PALM2AKAP2: variants seen among roughly 807,000 people sequenced by gnomAD.
PALM2AKAP2 encodes PALM2-AKAP2 fusion protein.
A neutral mutation model predicts 71.5 loss-of-function variants in PALM2AKAP2; 37 were observed. That is an observed-to-expected ratio of 0.52 (90% CI 0.40 to 0.68). The LOEUF is 0.68. Ranked by LOEUF, PALM2AKAP2 falls within the 30% of genes least tolerant of loss-of-function variation. PALM2AKAP2 has a pLI of 0.00. For missense variants in PALM2AKAP2, 1,224 were observed against 1,191.8 expected (o/e 1.03, Z -0.40); for synonymous variants, 468 against 478.8 (o/e 0.98, Z 0.29).
At chr9:110,079,931 G>A (rs987347764) in intron 1 of PALM2AKAP2, among the ~76,000 whole-genome samples, 4 of 151,886 alleles carry the variant, frequency 2.6e-5, no homozygotes, top group Non-Finnish European at 5.9e-5. Flanking sequence ...TTTGCTGGGC[G>A]TGGTGGCAGG....
rs117188447 is a variant in PALM2AKAP2, at chr9:109,968,270, C to T, written c.496+36242C>T. On this transcript the variant is annotated intron_variant, in intron 6 of 9. Coordinates refer to the PALM2AKAP2 transcript ENST00000302798. ...CCTGCTTTGCAACTTGAGGCCCTCG[C>T]GTACCCCATAGGCTGTGGAAGGCCT... is the stretch of plus-strand genomic sequence containing the variant. Among the ~76,000 whole-genome samples the T allele has an allele frequency of 2.2e-3, 328 of 152,294 alleles. 1 individual carries two copies. Among genetic ancestry groups the T allele is most frequent in the Non-Finnish European group, 3.0e-3 (205 of 68,018 alleles).
intron 1 of PALM2AKAP2, among the ~76,000 whole-genome samples, chr9:110,083,778 T>C (rs1834501558): frequency 6.6e-6 from 1 of 152,210 alleles, no homozygotes; most frequent in African/African-American, 2.4e-5. Flanking sequence ...AACAAGGCCT[T>C]TGATAGCATG....
chr9:110,057,360 TTC>T (rs1368457868), intron 1 of PALM2AKAP2, among the ~76,000 whole-genome samples: 1 of 146,236 alleles, frequency 6.8e-6, no homozygotes, highest in Admixed American at 7.1e-5. Context: ...ACCCAGCTCC[TTC>T]TCTGTTTTTT....
intron 3 of PALM2AKAP2, among the ~76,000 whole-genome samples, chr9:109,921,796 A>C (rs181807675): frequency 3.9e-5 from 6 of 152,230 alleles, no homozygotes; most frequent in African/African-American, 1.4e-4. Context: ...CTGGGAGGCT[A>C]GATACCATGG....
intron 6 of PALM2AKAP2, among the ~76,000 whole-genome samples, chr9:109,981,843 TTGG>T (rs1435015730): frequency 6.6e-6 from 1 of 152,190 alleles, no homozygotes; most frequent in Non-Finnish European, 1.5e-5. Context: ...GGGAACACTC[TTGG>T]TGGGAGTGTA....
intron 1 of PALM2AKAP2, among the ~76,000 whole-genome samples, chr9:109,755,259 C>T (rs985792312): frequency 5.9e-5 from 9 of 152,110 alleles, no homozygotes; most frequent in African/African-American, 2.2e-4. Flanking sequence ...ATCCAAATTC[C>T]TTATCCTGAC....
intron 1 of PALM2AKAP2, among the ~76,000 whole-genome samples, chr9:109,796,030 C>T (rs1483065627): frequency 6.6e-6 from 1 of 152,226 alleles, no homozygotes; most frequent in Non-Finnish European, 1.5e-5. Flanking sequence ...GTCATATTCA[C>T]CATTATCTAC....
chr9:109,766,338 T>C (rs2118751389), intron 1 of PALM2AKAP2, among the ~76,000 whole-genome samples: 1 of 152,322 alleles, frequency 6.6e-6, no homozygotes, highest in Non-Finnish European at 1.5e-5. Flanking sequence ...TCCCTGACCC[T>C]AAATGTGGTT....
intron 6 of PALM2AKAP2, among the ~76,000 whole-genome samples, chr9:109,939,126 A>G (rs1056950921): frequency 3.9e-5 from 6 of 152,018 alleles, no homozygotes; most frequent in African/African-American, 1.4e-4. Flanking sequence ...TCCACATATC[A>G]CCTGCTCTAA....
chr9:109,931,875 A>AT (rs1831110155), intron 5 of PALM2AKAP2, 52 bp from the exon 6 acceptor site: 1 of 1,594,878 alleles, frequency 6.3e-7, no homozygotes, highest in Middle Eastern at 1.7e-4. Flanking sequence ...CAGTGAACCC[A>AT]TTGGGCCTCC....
chr9:109,684,349 C>T (rs981335555), intron 1 of PALM2AKAP2, among the ~76,000 whole-genome samples: 3 of 152,072 alleles, frequency 2.0e-5, no homozygotes, highest in African/African-American at 7.2e-5. Context: ...GCGCTAATGC[C>T]CGGGCCCCAC....
At chr9:109,851,449 G>A (rs1564179854) in intron 1 of PALM2AKAP2, among the ~76,000 whole-genome samples, 2 of 152,240 alleles carry the variant, frequency 1.3e-5, no homozygotes, top group South Asian at 2.1e-4. Flanking sequence ...AAATAATGGG[G>A]TCAGGGCACC....
intron 3 of PALM2AKAP2, among the ~76,000 whole-genome samples, chr9:109,919,735 ATGTGTG>A (rs1163749906): frequency 1.1e-3 from 162 of 143,052 alleles, no homozygotes; most frequent in African/African-American, 3.7e-3. Flanking sequence ...GTGTATACAT[ATGTGTG>A]TGTGTGTGTG....
chr9:110,056,082 T>A (rs1009059087), intron 1 of PALM2AKAP2, among the ~76,000 whole-genome samples: 2 of 152,226 alleles, frequency 1.3e-5, no homozygotes, highest in Non-Finnish European at 1.5e-5. Context: ...GACCCTCATT[T>A]GCCCCTCTTC....
chr9:110,016,682 CCT>C (rs1274849279), intron 7 of PALM2AKAP2, among the ~76,000 whole-genome samples: 6 of 152,198 alleles, frequency 3.9e-5, no homozygotes, highest in African/African-American at 1.4e-4. Flanking sequence ...CACCATTTCC[CCT>C]CTGTTACGGG....
chr9:109,908,909 A>G (rs1322897245), intron 3 of PALM2AKAP2, among the ~76,000 whole-genome samples: 1 of 151,796 alleles, frequency 6.6e-6, no homozygotes, highest in Non-Finnish European at 1.5e-5. Context: ...CAATGAGTAA[A>G]CAGGGATTTG....
intron 1 of PALM2AKAP2, among the ~76,000 whole-genome samples, chr9:110,074,407 G>A (rs532054204): frequency 1.3e-5 from 2 of 152,100 alleles, no homozygotes; most frequent in African/African-American, 2.4e-5. Flanking sequence ...CATGAGACAT[G>A]GGAGCCTAGA....
At chr9:110,132,349 C>A (rs930861198) in intron 1 of PALM2AKAP2, among the ~76,000 whole-genome samples, 1 of 151,642 alleles carries the variant, frequency 6.6e-6, no homozygotes, top group Non-Finnish European at 1.5e-5. Flanking sequence ...GGTGAGCCAC[C>A]GTGCGGGCTT....
intron 1 of PALM2AKAP2, among the ~76,000 whole-genome samples, chr9:109,788,411 G>GTA (rs1234365838): frequency 6.6e-6 from 1 of 152,160 alleles, no homozygotes; most frequent in East Asian, 1.9e-4. Context: ...GTCATATATG[G>GTA]TATAGAACAG....
Sources: allele counts gnomAD v4.1 joint callset (sites outside exome capture counted in the v4.1 genomes callset), GRCh38; gene constraint gnomAD v4.1.1; transcripts MANE v1.5; gene names NCBI Gene and HGNC (gene_info 2026-07-23, HGNC 2026-07-21).